The following MACROH2A1 variants were observed in gnomAD, a reference collection of about 807,000 sequenced individuals.
MACROH2A1 encodes the protein core histone macro-H2A.1.
A neutral mutation model predicts 31.6 loss-of-function variants in MACROH2A1; 2 were observed. The ratio of observed to expected loss-of-function variants is 0.06; its 90% confidence interval spans 0.03 to 0.20. MACROH2A1 has a LOEUF of 0.20. Ranked by LOEUF, MACROH2A1 falls within the 10% of genes least tolerant of loss-of-function variation. The pLI, the probability that MACROH2A1 is intolerant of heterozygous loss-of-function variation, is 1.00. For missense variants in MACROH2A1, 230 were observed against 474.0 expected, an observed-to-expected ratio of 0.49 and a Z score of 4.78; for synonymous variants, 169 against 189.6, an observed-to-expected ratio of 0.89 and a Z score of 0.89.
chr5:135,344,134 C>T (rs1383964904), intron 7 of MACROH2A1: 1 of 152,892 alleles, frequency 6.5e-6, no homozygotes, highest in African/African-American at 2.4e-5. Flanking sequence ...CCACCAAAGA[C>T]TTGCCTTTCC....
At chr5:135,379,324 A>C (rs1765334407) in intron 2 of MACROH2A1, among the ~76,000 whole-genome samples, 1 of 152,186 alleles carries the variant, frequency 6.6e-6, no homozygotes, top group South Asian at 2.1e-4. Context: ...CTAGCCACTA[A>C]ATGGAAGATG....
intron 2 of MACROH2A1, among the ~76,000 whole-genome samples, chr5:135,385,317 C>G (rs561362471): frequency 6.6e-6 from 1 of 152,256 alleles, no homozygotes; most frequent in Non-Finnish European, 1.5e-5. Flanking sequence ...TTTCCTGACA[C>G]CCACTTGCAG....
chr5:135,350,906 A>G (rs1422762166), intron 6 of MACROH2A1: 1 of 1,607,054 alleles, frequency 6.2e-7, no homozygotes. Context: ...AGCCTGTACA[A>G]CTTGCAACTA....
intron 5 of MACROH2A1, chr5:135,353,943 C>T (rs1761885800): frequency 1.3e-5 from 2 of 152,216 alleles, no homozygotes; most frequent in South Asian, 2.1e-4. Context: ...ACTGCTGTCC[C>T]AGGTCCTACT....
At chr5:135,340,097 T>TG (rs1759542620) in intron 8 of MACROH2A1, among the ~76,000 whole-genome samples, 1 of 152,090 alleles carries the variant, frequency 6.6e-6, no homozygotes, top group African/African-American at 2.4e-5. Flanking sequence ...TGGGATGAGG[T>TG]GGTGGGACCT....
intron 4 of MACROH2A1, among the ~76,000 whole-genome samples, chr5:135,368,560 C>T (rs1763804601): frequency 6.6e-6 from 1 of 152,254 alleles, no homozygotes; most frequent in African/African-American, 2.4e-5. Context: ...TACCTCAGAG[C>T]AGGGCAGCCT....
intron 4 of MACROH2A1, chr5:135,361,034 C>G (rs1282540362): frequency 1.9e-5 from 6 of 317,462 alleles, no homozygotes; most frequent in Admixed American, 4.6e-5. Context: ...GGACTATAAC[C>G]CTCTAACCTT....
At chr5:135,345,910 G>T in intron 7 of MACROH2A1, 58 bp downstream of exon 7, 1 of 1,142,546 alleles carries the variant, frequency 8.8e-7, no homozygotes, top group Non-Finnish European at 1.3e-6. Flanking sequence ...TCACAAAATG[G>T]CTTTCCTAAT....
chr5:135,361,206 A>G (rs987473254), intron 4 of MACROH2A1: 3 of 166,566 alleles, frequency 1.8e-5, no homozygotes, highest in Non-Finnish European at 3.9e-5. Flanking sequence ...CATTATTAAG[A>G]CTGAAATATG....
chr5:135,383,433 A>C (rs1765925020), intron 2 of MACROH2A1, among the ~76,000 whole-genome samples: 1 of 152,206 alleles, frequency 6.6e-6, no homozygotes. Flanking sequence ...TGGGATTATG[A>C]ATGAGTTTTA....
Position 135,358,561 on chromosome 5 carries a change from T to G in MACROH2A1, c.588+1936A>C, listed in dbSNP as rs1042050613. The G allele has an allele frequency of 4.1e-6, 4 of 985,278 alleles. No homozygotes were observed. In the East Asian group the frequency reaches 3.4e-4, roughly 84 times the overall value. 61.0% of individuals were successfully genotyped at this position (985,278 alleles called of 1,614,324 possible). On this transcript the variant is annotated intron_variant, in intron 5 of 8. Coordinates refer to ENST00000511689, the MANE Select transcript of MACROH2A1 (RefSeq NM_138610.3). ...GTCTGGGTCTACATTCAGCCCCTCT[T>G]ATGGCTGACCATTTTATACTGGGTG...
Position 135,334,799 on chromosome 5 carries a change from A to G in MACROH2A1, c.*177T>C. Reference sequence around the variant, plus strand: ...TAATGCCAACTATCAGTGCTAACATAAAAACATTTTAGAAGGTCAAAAACA... The same window carrying G: ...TAATGCCAACTATCAGTGCTAACATGAAAACATTTTAGAAGGTCAAAAACA... On this transcript the variant is annotated 3_prime_UTR_variant, in exon 9 of 9. Transcript: ENST00000511689. 1.7e-6 allele frequency: 1 copy of G among 603,702 alleles called. No homozygotes were observed. Among genetic ancestry groups the G allele is most frequent in the Non-Finnish European group, 3.0e-6 (1 of 336,550 alleles). The allele number at this position is 603,702 out of a possible 1,614,324, so 37.4% of individuals were successfully genotyped here.
intron 6 of MACROH2A1, chr5:135,350,946 G>A (rs143358336): frequency 7.0e-7 from 1 of 1,422,664 alleles, no homozygotes; most frequent in East Asian, 2.3e-5. Context: ...TATCAACTGT[G>A]TTGGACCGAG....
rs532925405 is a variant in MACROH2A1, at chr5:135,343,896, A to C, written c.779-462T>G. On this transcript the variant is annotated intron_variant, in intron 7 of 8. Transcript: ENST00000511689. ...TGTCTCTACTATGATGTATTCTCTA[A>C]ATCTCCCAAACCCAATTCAGGACAA... 4.5e-4 allele frequency: 83 copies of C among 185,148 alleles called. 1 individual carries two copies. The highest frequency in any genetic ancestry group is 3.2e-4 in the Admixed American group (6 of 18,562). The allele number at this position is 185,148 out of a possible 1,614,324, so 11.5% of individuals were successfully genotyped here. A position where few individuals can be genotyped will look rare whatever the true frequency, so the allele number is the denominator to read the frequency against.
chr5:135,341,733 G>A (rs938750915), intron 8 of MACROH2A1, among the ~76,000 whole-genome samples: 15 of 152,334 alleles, frequency 9.8e-5, no homozygotes, highest in African/African-American at 3.4e-4. Flanking sequence ...CTGCCTAAGC[G>A]GAAAATGGCA....
chr5:135,370,204 C>T, intron 2 of MACROH2A1, 62 bp from the exon 3 acceptor site: 1 of 1,019,438 alleles, frequency 9.8e-7, no homozygotes, highest in South Asian at 1.4e-5. Flanking sequence ...CGCCCCGGTC[C>T]CCACATTCAC....
At chr5:135,379,056 A>T (rs1765293190) in intron 2 of MACROH2A1, among the ~76,000 whole-genome samples, 1 of 152,214 alleles carries the variant, frequency 6.6e-6, no homozygotes. Flanking sequence ...AGACTACCTC[A>T]GCTACTAGTT....
At chr5:135,357,259 G>T (rs1480006733) in intron 5 of MACROH2A1, 1 of 152,238 alleles carries the variant, frequency 6.6e-6, no homozygotes, top group Non-Finnish European at 1.5e-5. Flanking sequence ...GTCGATAGCT[G>T]AGCCATTCCT....
At chr5:135,396,662 G>T (rs1224605237) in intron 1 of MACROH2A1, among the ~76,000 whole-genome samples, 3 of 151,928 alleles carry the variant, frequency 2.0e-5, no homozygotes, top group Admixed American at 1.3e-4. Flanking sequence ...TGTACCTGCT[G>T]GGGGGCTACG....
Sources: allele counts gnomAD v4.1 joint callset (sites outside exome capture counted in the v4.1 genomes callset), GRCh38; gene constraint gnomAD v4.1.1; transcripts MANE v1.5; gene names NCBI Gene and HGNC (gene_info 2026-07-23, HGNC 2026-07-21).